XKRX: variants seen among roughly 807,000 people sequenced by gnomAD.
XKRX encodes the protein XK-related protein 2.
In XKRX, 11 loss-of-function variants were observed where a neutral mutation model predicts 22.4. That is an observed-to-expected ratio of 0.49 (90% CI 0.31 to 0.81). The LOEUF is 0.81. Among genes scored for constraint, XKRX ranks in the 40% least tolerant of loss-of-function variants. XKRX has a pLI of 0.05. For synonymous variants in XKRX, 114 were observed against 132.2 expected (o/e 0.86, Z 0.94); for missense variants, 320 against 336.5 (o/e 0.95, Z 0.38).
intron 2 of XKRX, among the ~76,000 whole-genome samples, chrX:100,917,657 G>GAGAAAGAAAGA (rs1556193595): frequency 2.4e-4 from 10 of 42,288 alleles, no homozygotes; most frequent in Non-Finnish European, 1.6e-4. Context: ...AAGAAAGAAA[G>GAGAAAGAAAGA]AAAGAAAGAA....
the XKRX span, among the ~76,000 whole-genome samples, chrX:100,889,861 G>T: frequency 9.0e-6 from 1 of 111,273 alleles, no homozygotes; most frequent in Non-Finnish European, 1.9e-5. Flanking sequence ...AAAATTAGCT[G>T]GGCGTGGTGA....
At chrX:100,926,039 T>A (rs773831212) in intron 1 of XKRX, among the ~76,000 whole-genome samples, 34 of 112,054 alleles carry the variant, frequency 3.0e-4, no homozygotes, top group Middle Eastern at 4.6e-3. Flanking sequence ...TTCAGGCAGG[T>A]CATGAAGATT....
intron 2 of XKRX, among the ~76,000 whole-genome samples, chrX:100,916,108 C>CA (rs1482540222): frequency 1.9e-5 from 2 of 106,911 alleles, no homozygotes; most frequent in Non-Finnish European, 3.9e-5. Context: ...CACACACACA[C>CA]ACGTACAAAA....
the XKRX span, chrX:100,888,535 T>C: frequency 1.6e-6 from 1 of 608,775 alleles, no homozygotes; most frequent in Non-Finnish European, 2.8e-6. Context: ...ACCTCAACTC[T>C]CCAATGAAGA....
chrX:100,956,834 T>A, the XKRX span: 1 of 621,632 alleles, frequency 1.6e-6, no homozygotes, highest in Admixed American at 2.3e-5. Context: ...CTCACAGTAG[T>A]GTATTTTGGT....
At chrX:100,952,068 A>G in the XKRX span, among the ~76,000 whole-genome samples, 57,501 of 108,873 alleles carry the variant, frequency 0.53, 12,092 homozygotes, top group Non-Finnish European at 0.65. Context: ...AAAATCAGAC[A>G]AAGACAGTAC....
chrX:100,948,763 G>A, the XKRX span, among the ~76,000 whole-genome samples: 18 of 112,537 alleles, frequency 1.6e-4, no homozygotes, highest in African/African-American at 4.8e-4. Flanking sequence ...TAGGCCCTGC[G>A]CCTCCCCCAC....
upstream of XKRX, among the ~76,000 whole-genome samples, chrX:100,931,643 C>T (rs2147945989): frequency 9.0e-6 from 1 of 111,605 alleles, no homozygotes; most frequent in East Asian, 2.8e-4. Flanking sequence ...TGTCCTGCCT[C>T]CCCCCAAAAA....
downstream of XKRX, chrX:100,911,138 A>G (rs1319885970): frequency 1.7e-6 from 1 of 574,439 alleles, no homozygotes; most frequent in African/African-American, 2.2e-5. Context: ...GAGAAAGAAG[A>G]AGGCATGGAA....
chrX:100,955,992 G>A, the XKRX span, among the ~76,000 whole-genome samples: 1 of 112,029 alleles, frequency 8.9e-6, no homozygotes, highest in African/African-American at 3.2e-5. Flanking sequence ...TAAAGAAAAT[G>A]TGGTACATAT....
chrX:100,889,503 C>G, the XKRX span, among the ~76,000 whole-genome samples: 1 of 110,154 alleles, frequency 9.1e-6, no homozygotes, highest in Non-Finnish European at 1.9e-5. Context: ...TTGCGAGTAG[C>G]CATGATTACA....
chrX:100,901,770 C>T, the XKRX span, among the ~76,000 whole-genome samples: 1 of 111,284 alleles, frequency 9.0e-6, no homozygotes, highest in African/African-American at 3.3e-5. Context: ...GAGGCTGAGG[C>T]GAGTGGATCA....
At chrX:100,956,784 G>A in the XKRX span, 2 of 559,812 alleles carry the variant, frequency 3.6e-6, no homozygotes, top group East Asian at 6.5e-5. Context: ...AGTTTATGCA[G>A]AACTTCAGGG....
the XKRX span, among the ~76,000 whole-genome samples, chrX:100,900,836 C>G: frequency 1.0e-5 from 1 of 98,217 alleles, no homozygotes; most frequent in Non-Finnish European, 2.0e-5. Context: ...GTCGCCTAGG[C>G]TGGAGTGCAG....
chrX:100,922,833 G>C lies in XKRX; in HGVS notation c.564C>G (p.Leu188=), dbSNP rs927779368. 1.7e-6 allele frequency: 2 copies of C among 1,209,198 alleles called. No homozygotes were observed. Among genetic ancestry groups the C allele is most frequent in the Admixed American group, 4.4e-5 (2 of 45,639 alleles). Residue 188 remains leucine (L), a synonymous_variant, in exon 2 of 3, where the codon CTC becomes CTG. Coordinates refer to ENST00000372956, the MANE Select transcript of XKRX (RefSeq NM_212559.3). Reference sequence around the variant, plus strand: ...CCTCTGCAGAGATCAGGCTCACATAGAGCTGATAGGTCAGCTGGGGCACTG... The same window carrying C: ...CCTCTGCAGAGATCAGGCTCACATACAGCTGATAGGTCAGCTGGGGCACTG... ...LGSVPQLTYQ[L]YVSLISAEVP...
chrX:100,916,111 G>A (rs868005537), intron 2 of XKRX, among the ~76,000 whole-genome samples: 3 of 81,938 alleles, frequency 3.7e-5, no homozygotes, highest in East Asian at 4.9e-4. Flanking sequence ...ACACACACAC[G>A]TACAAAAATG....
chrX:100,957,294 C>T, the XKRX span: 5 of 1,026,475 alleles, frequency 4.9e-6, no homozygotes, highest in Non-Finnish European at 6.9e-6. Flanking sequence ...AGATGTTCAT[C>T]TTTGTCAAAA....
At chrX:100,905,222 G>A in the XKRX span, among the ~76,000 whole-genome samples, 2 of 111,907 alleles carry the variant, frequency 1.8e-5, no homozygotes, top group Non-Finnish European at 3.8e-5. Flanking sequence ...AAGAGAGACA[G>A]AATCTACCTC....
At chrX:100,887,599 T>C in the XKRX span, 1 of 627,809 alleles carries the variant, frequency 1.6e-6, no homozygotes, top group Non-Finnish European at 2.6e-6. Context: ...CTGTCACTTC[T>C]CTGGCTCTCC....
Sources: allele counts gnomAD v4.1 joint callset (sites outside exome capture counted in the v4.1 genomes callset), GRCh38; gene constraint gnomAD v4.1.1; transcripts MANE v1.5; gene names NCBI Gene and HGNC (gene_info 2026-07-23, HGNC 2026-07-21).